ADAMTS17: variants seen among roughly 807,000 people sequenced by gnomAD.
ADAMTS17 encodes ADAM metallopeptidase with thrombospondin type 1 motif 17.
In ADAMTS17, 113 loss-of-function variants were observed where a neutral mutation model predicts 141.5. The observed-to-expected ratio is 0.80, with a 90% CI of 0.69 to 0.93. The LOEUF is 0.93. Among genes scored for constraint, ADAMTS17 ranks in the 40% least tolerant of loss-of-function variants. ADAMTS17 has a pLI of 0.00. For synonymous variants in ADAMTS17, 768 were observed against 630.6 expected (o/e 1.22, Z -3.27); for missense variants, 1,659 against 1,517.9 (o/e 1.09, Z -1.54).
rs779835157 is a variant in ADAMTS17, at chr15:100,281,368, C to T, written c.650G>A (p.Arg217Gln). ...AGCGTTCCTCCGCTCCCGCCAGTCCCGCGAAGGCCTGCCCCACGTCGGCTT... is the reference window on the plus strand; with the variant it reads ...AGCGTTCCTCCGCTCCCGCCAGTCCTGCGAAGGCCTGCCCCACGTCGGCTT... ...KKKPTWGRPS[R>Q]DWRERRNAIR... is the part of the protein sequence containing the mutation. The change falls in exon 4 of 22, where the codon CGG (arginine) becomes CAG (glutamine). Residue 217 changes from arginine (R) to glutamine (Q), a missense_variant. Arg to Gln is a conservative substitution (Grantham distance 43). Transcript: ENST00000268070. 60 of 1,612,632 alleles carry T rather than the reference C, an allele frequency of 3.7e-5. No individual in the cohort carries two copies. Among genetic ancestry groups the T allele is most frequent in the Non-Finnish European group, 4.6e-5 (54 of 1,179,966 alleles).
chr15:99,995,904 A>G (rs2060792118), intron 19 of ADAMTS17, among the ~76,000 whole-genome samples: 2 of 152,358 alleles, frequency 1.3e-5, no homozygotes, highest in African/African-American at 2.4e-5. Flanking sequence ...AGGTATGCAC[A>G]TAGATACAGA....
At position 100,201,894 on chromosome 15, in the gene ADAMTS17, T is replaced by C. The variant is rs116343008; in HGVS notation, c.1076-2471A>G. 4.1e-3 allele frequency among the ~76,000 whole-genome samples: 624 copies of C among 152,342 alleles called. 5 individuals are homozygous for C. Among genetic ancestry groups the C allele is most frequent in the African/African-American group, 0.015 (610 of 41,580 alleles). On this transcript the variant is annotated intron_variant, in intron 7 of 21. Transcript: ENST00000268070. ...TACCAGTGAGTAGATGGAATACTGCTACACAGCCCTGATGGTATGTGCACG... is the reference window on the plus strand; with the variant it reads ...TACCAGTGAGTAGATGGAATACTGCCACACAGCCCTGATGGTATGTGCACG...
In ADAMTS17 at chr15:100,030,804, T is replaced by C. The variant is rs111327536; in HGVS notation, c.2591+18053A>G. 2.0e-5 allele frequency among the ~76,000 whole-genome samples: 3 copies of C among 152,344 alleles called. 1 individual carries two copies. The highest frequency in any genetic ancestry group is 7.2e-5 in the African/African-American group (3 of 41,574). Reference sequence around the variant, plus strand: ...GGGACCTGCCCGCAATCTTTTACTATCTGGAAAATACCAGCATGGGTTTAG... The same window carrying C: ...GGGACCTGCCCGCAATCTTTTACTACCTGGAAAATACCAGCATGGGTTTAG... On this transcript the variant is annotated intron_variant, in intron 18 of 21. Coordinates refer to ENST00000268070, the MANE Select transcript of ADAMTS17 (RefSeq NM_139057.4).
intron 2 of ADAMTS17, among the ~76,000 whole-genome samples, chr15:100,333,236 G>T (rs2046109087): frequency 6.6e-6 from 1 of 152,120 alleles, no homozygotes. Flanking sequence ...ACTGAGGCAA[G>T]ATCAGAATTA....
chr15:100,341,471 T>A (rs1296191232), intron 1 of ADAMTS17, 62 bp from the exon 2 acceptor site: 1 of 1,004,636 alleles, frequency 1.0e-6, no homozygotes, highest in Non-Finnish European at 1.2e-6. Context: ...GCCCTCCCGC[T>A]GGCCGCCAGC....
intron 13 of ADAMTS17, among the ~76,000 whole-genome samples, chr15:100,110,681 T>C (rs1220851428): frequency 1.3e-5 from 2 of 152,162 alleles, no homozygotes; most frequent in Non-Finnish European, 2.9e-5. Context: ...CCTAATGCCA[T>C]CTATGTGGTT....
In ADAMTS17 at chr15:100,341,307, C is replaced by A; in HGVS notation, c.182G>T (p.Arg61Leu). The change falls in exon 2 of 22, where the codon CGG becomes CTG. Residue 61 changes from arginine (R) to leucine (L), a missense_variant. By Grantham distance (102) the Arg-to-Leu change is moderately radical. Transcript: ENST00000268070. ...TGGGGGCGTGCGGGGGCGTCGCCGC[C>A]GTCGGGGCCCGGGGGCTGCGGGCAG... ...PPLPAAPGPRRRRRPRTPPAA... is the reference protein window; with the variant it reads ...PPLPAAPGPRLRRRPRTPPAA... The A allele has an allele frequency of 9.4e-7, 1 of 1,065,194 alleles. No individual in the cohort carries two copies. The highest frequency in any genetic ancestry group is 4.4e-5 in the South Asian group (1 of 22,976). 66.0% of individuals were successfully genotyped at this position (1,065,194 alleles called of 1,614,324 possible). A position where few individuals can be genotyped will look rare whatever the true frequency, so the allele number is the denominator to read the frequency against.
intron 19 of ADAMTS17, among the ~76,000 whole-genome samples, chr15:99,994,744 T>G (rs905015269): frequency 2.0e-5 from 3 of 152,154 alleles, no homozygotes; most frequent in Admixed American, 1.3e-4. Flanking sequence ...TTTTTGTATT[T>G]TTAGTAGAGA....
rs35121839 is a variant in ADAMTS17, at chr15:100,109,307, A to T, written c.1889-191T>A. Among the ~76,000 whole-genome samples the T allele has an allele frequency of 0.47, 70,829 of 151,154 alleles. 16,624 individuals carry two copies. The highest frequency in any genetic ancestry group is 0.51 in the Admixed American group (7,841 of 15,264). The stretch of plus-strand genomic sequence containing the variant: ...CAGCCACAGGGGAAGACAGTGCAGG[A>T]CTGAGCTCTGTGGGGATGCCTTCTC... On this transcript the variant is annotated intron_variant, in intron 13 of 21. Coordinates refer to ENST00000268070, the MANE Select transcript of ADAMTS17 (RefSeq NM_139057.4).
intron 2 of ADAMTS17, among the ~76,000 whole-genome samples, chr15:100,335,330 C>T (rs984311107): frequency 6.6e-6 from 1 of 152,198 alleles, no homozygotes; most frequent in Non-Finnish European, 1.5e-5. Flanking sequence ...CGTAAAACCA[C>T]CACCCCACAA....
chr15:100,175,526 G>A (rs2040308088), intron 8 of ADAMTS17, among the ~76,000 whole-genome samples: 1 of 152,120 alleles, frequency 6.6e-6, no homozygotes, highest in Non-Finnish European at 1.5e-5. Context: ...AACTCTTAAT[G>A]CATAAAGGGA....
chr15:100,184,513 T>C (rs1323567313), intron 8 of ADAMTS17, among the ~76,000 whole-genome samples: 5 of 152,240 alleles, frequency 3.3e-5, no homozygotes, highest in African/African-American at 9.6e-5. Context: ...TCTGAGGCTG[T>C]CAGTGTCCCC....
chr15:100,175,484 C>T (rs1300296044), intron 8 of ADAMTS17, among the ~76,000 whole-genome samples: 2 of 152,246 alleles, frequency 1.3e-5, no homozygotes, highest in African/African-American at 2.4e-5. Context: ...CAAGAGAATC[C>T]TAATTCTTTA....
intron 18 of ADAMTS17, among the ~76,000 whole-genome samples, chr15:100,008,919 G>A (rs1444503054): frequency 2.6e-5 from 4 of 152,188 alleles, no homozygotes; most frequent in Non-Finnish European, 4.4e-5. Flanking sequence ...GCTCACTGCA[G>A]CCTCGACCTC....
chr15:100,204,464 T>C (rs8033025), intron 7 of ADAMTS17, among the ~76,000 whole-genome samples: 39,001 of 152,182 alleles, frequency 0.26, 6,634 homozygotes, highest in African/African-American at 0.47. Context: ...TCAGGCTCAT[T>C]GACAAGTCCT....
intron 15 of ADAMTS17, among the ~76,000 whole-genome samples, chr15:100,059,742 T>G (rs79820758): frequency 0.014 from 2,177 of 152,226 alleles, 47 homozygotes; most frequent in African/African-American, 0.048. Context: ...TGTGGCAGCT[T>G]GGGTTGCTCT....
Position 99,974,147 on chromosome 15 carries a change from A to C in ADAMTS17, c.*255T>G. ...TGCCAGAGGTGCTTCCCTTCGAGGT[A>C]CCTGAAATCCTAGAAATTGAAGTTA... On this transcript the variant is annotated 3_prime_UTR_variant, in exon 22 of 22. Coordinates refer to ENST00000268070, the MANE Select transcript of ADAMTS17 (RefSeq NM_139057.4). 1 of 545,812 alleles carries C rather than the reference A, an allele frequency of 1.8e-6. No individual in the cohort carries two copies. Among genetic ancestry groups the C allele is most frequent in the Non-Finnish European group, 3.3e-6 (1 of 302,906 alleles). 33.8% of individuals were successfully genotyped at this position (545,812 alleles called of 1,614,324 possible).
chr15:100,030,586 AT>A (rs2030050745), intron 18 of ADAMTS17, among the ~76,000 whole-genome samples: 1 of 152,090 alleles, frequency 6.6e-6, no homozygotes, highest in South Asian at 2.1e-4. Context: ...CCCTCCCATG[AT>A]CCTTTTTCCT....
intron 15 of ADAMTS17, among the ~76,000 whole-genome samples, chr15:100,081,685 C>T (rs1226649719): frequency 6.6e-6 from 1 of 152,134 alleles, no homozygotes; most frequent in Non-Finnish European, 1.5e-5. Flanking sequence ...TTAAGCCAAC[C>T]AACACTATAC....
Sources: gnomAD v4.1 joint callset for allele counts (sites outside exome capture counted in the v4.1 genomes callset) on GRCh38, gnomAD v4.1.1 for gene constraint, MANE v1.5 for transcripts, NCBI Gene and HGNC (gene_info 2026-07-23, HGNC 2026-07-21) for gene names.